CSRNP3: variants seen among roughly 807,000 people sequenced by gnomAD.
CSRNP3 encodes cysteine/serine-rich nuclear protein 3.
CSRNP3 carries 12 observed loss-of-function variants against 48.0 expected under a neutral mutation model. The observed-to-expected ratio is 0.25, with a 90% CI of 0.16 to 0.41. The LOEUF is 0.41. CSRNP3 is among the 10% of genes least tolerant of loss of function. The probability of loss-of-function intolerance (pLI) is 1.00; values close to 1 mark genes in which losing one functional copy is unlikely to be tolerated. For missense variants in CSRNP3, 580 were observed against 724.4 expected, an observed-to-expected ratio of 0.80 and a Z score of 2.29; for synonymous variants, 263 against 269.7, an observed-to-expected ratio of 0.98 and a Z score of 0.24.
chr2:165,573,732 T>TAAATACTATA (rs1685406095), intron 3 of CSRNP3, among the ~76,000 whole-genome samples: 8 of 152,228 alleles, frequency 5.3e-5, no homozygotes, highest in Admixed American at 6.5e-5. Flanking sequence ...AGTGACCTCA[T>TAAATACTATA]GTATTTGTGT....
chr2:165,570,491 C>T (rs1461584796), intron 3 of CSRNP3, among the ~76,000 whole-genome samples: 2 of 151,430 alleles, frequency 1.3e-5, no homozygotes, highest in Non-Finnish European at 2.9e-5. Flanking sequence ...AGCTCTTGTT[C>T]TCCCACTCTC....
At chr2:165,589,389 C>A (rs1229569466) in intron 3 of CSRNP3, among the ~76,000 whole-genome samples, 1 of 152,070 alleles carries the variant, frequency 6.6e-6, no homozygotes, top group Non-Finnish European at 1.5e-5. Context: ...TTGTTATAGT[C>A]ACATAGGGAA....
At chr2:165,520,565 AT>A in intron 3 of CSRNP3, among the ~76,000 whole-genome samples, 1 of 151,142 alleles carries the variant, frequency 6.6e-6, no homozygotes. Flanking sequence ...AAGTATTGTG[AT>A]TTTTTTTCAG....
At chr2:165,643,362 C>T (rs1686757284) in intron 4 of CSRNP3, among the ~76,000 whole-genome samples, 1 of 152,152 alleles carries the variant, frequency 6.6e-6, no homozygotes, top group Non-Finnish European at 1.5e-5. Flanking sequence ...GGACAAAGAA[C>T]AGTCTTGCTT....
At chr2:165,542,405 C>T (rs553235358) in intron 3 of CSRNP3, among the ~76,000 whole-genome samples, 16 of 152,214 alleles carry the variant, frequency 1.1e-4, no homozygotes, top group Non-Finnish European at 1.6e-4. Flanking sequence ...CATGTCTGTA[C>T]GTGTGTACGT....
Position 165,666,950 on chromosome 2 carries a change from GAGAGGA to G in CSRNP3, c.408+8933_408+8938del, listed in dbSNP as rs1558968121. The stretch of plus-strand genomic sequence containing the variant: ...AAAGAGAGAAGAAGAAAGAAAGAGA[GAGAGGA>G]AGGAAGGAAGGAAGGAAAGAGAGAG... On this transcript the variant is annotated intron_variant, in intron 5 of 6. Coordinates refer to ENST00000651982, the MANE Select transcript of CSRNP3 (RefSeq NM_001172173.2). 1.8e-3 allele frequency among the ~76,000 whole-genome samples: 118 copies of G among 64,740 alleles called. 5 individuals carry two copies. The highest frequency in any genetic ancestry group is 2.6e-3 in the East Asian group (7 of 2,660). The allele number at this position is 64,740 out of a possible 152,430, so 42.5% of individuals were successfully genotyped here.
At chr2:165,616,020 C>A (rs1483705427) in intron 4 of CSRNP3, among the ~76,000 whole-genome samples, 1 of 151,104 alleles carries the variant, frequency 6.6e-6, no homozygotes, top group African/African-American at 2.4e-5. Flanking sequence ...CATGAGCCAT[C>A]ATGCCCAGCT....
chr2:165,519,742 T>C (rs927050408), intron 3 of CSRNP3, among the ~76,000 whole-genome samples: 1 of 152,058 alleles, frequency 6.6e-6, no homozygotes, highest in Non-Finnish European at 1.5e-5. Context: ...CATTCTTGCC[T>C]GAGTGGAAAT....
intron 1 of CSRNP3, among the ~76,000 whole-genome samples, chr2:165,475,727 C>G (rs1683953516): frequency 6.6e-6 from 1 of 152,180 alleles, no homozygotes; most frequent in South Asian, 2.1e-4. Context: ...CTAAGACGGT[C>G]TCTTCCTTCC....
At chr2:165,660,803 G>A (rs1221818854) in intron 5 of CSRNP3, among the ~76,000 whole-genome samples, 1 of 152,148 alleles carries the variant, frequency 6.6e-6, no homozygotes, top group Admixed American at 6.5e-5. Flanking sequence ...GTTTGTTATT[G>A]GTAATTGAAA....
chr2:165,601,875 C>T (rs764605690), intron 4 of CSRNP3, among the ~76,000 whole-genome samples: 6 of 152,150 alleles, frequency 3.9e-5, no homozygotes, highest in Non-Finnish European at 8.8e-5. Flanking sequence ...TGGAACATGC[C>T]TGTTCTCTTT....
At chr2:165,670,849 A>ATT (rs5836048) in intron 5 of CSRNP3, among the ~76,000 whole-genome samples, 6 of 151,914 alleles carry the variant, frequency 3.9e-5, no homozygotes, top group Non-Finnish European at 8.8e-5. Flanking sequence ...TTTAAATCAC[A>ATT]TTTTTTGCAG....
chr2:165,645,363 A>G, intron 4 of CSRNP3, among the ~76,000 whole-genome samples: 1 of 152,088 alleles, frequency 6.6e-6, no homozygotes, highest in East Asian at 1.9e-4. Context: ...AAATAAATAA[A>G]AAGGGCACTA....
chr2:165,608,996 A>T (rs1157629277), intron 4 of CSRNP3, among the ~76,000 whole-genome samples: 1 of 149,460 alleles, frequency 6.7e-6, no homozygotes, highest in African/African-American at 2.5e-5. Context: ...AGTCCCAGCT[A>T]CTTAGGAGGC....
At chr2:165,665,515 C>G (rs1687163833) in intron 5 of CSRNP3, among the ~76,000 whole-genome samples, 1 of 152,084 alleles carries the variant, frequency 6.6e-6, no homozygotes, top group Admixed American at 6.5e-5. Flanking sequence ...AATCCCAGCA[C>G]TTTGGGAGGC....
intron 1 of CSRNP3, among the ~76,000 whole-genome samples, chr2:165,479,457 T>G (rs1684010963): frequency 6.6e-6 from 1 of 152,204 alleles, no homozygotes; most frequent in South Asian, 2.1e-4. Flanking sequence ...CTTCAGTTTT[T>G]AAGCTCTAAA....
intron 5 of CSRNP3, among the ~76,000 whole-genome samples, chr2:165,672,704 A>G (rs1687351133): frequency 6.6e-6 from 1 of 152,182 alleles, no homozygotes. Context: ...TGAGAGGGTA[A>G]TTGATGTGAG....
At chr2:165,602,046 C>G (rs1160808368) in intron 4 of CSRNP3, among the ~76,000 whole-genome samples, 1 of 152,062 alleles carries the variant, frequency 6.6e-6, no homozygotes, top group Non-Finnish European at 1.5e-5. Context: ...GTCTACCCAG[C>G]ATTGTAGTAT....
chr2:165,638,791 T>C (rs896649113), intron 4 of CSRNP3, among the ~76,000 whole-genome samples: 1 of 152,258 alleles, frequency 6.6e-6, no homozygotes, highest in Non-Finnish European at 1.5e-5. Context: ...CTTTGTATTC[T>C]TAAATTTTGC....
Sources: allele counts gnomAD v4.1 joint callset (sites outside exome capture counted in the v4.1 genomes callset), GRCh38; gene constraint gnomAD v4.1.1; transcripts MANE v1.5; gene names NCBI Gene and HGNC (gene_info 2026-07-23, HGNC 2026-07-21).